C9: variants seen among roughly 807,000 people sequenced by gnomAD.
C9 encodes the protein complement C9, also known as complement component C9.
A neutral mutation model predicts 65.4 loss-of-function variants in C9; 63 were observed. The ratio of observed to expected loss-of-function variants is 0.96; its 90% CI spans 0.79 to 1.19. The LOEUF is 1.19. C9 is among the 50% of genes most tolerant of loss of function. C9 has a pLI of 0.00. For synonymous variants in C9, 229 were observed against 227.9 expected (o/e 1.00, Z -0.04); for missense variants, 744 against 670.1 (o/e 1.11, Z -1.22).
At chr5:39,358,280 T>G (rs546239398) in intron 1 of C9, among the ~76,000 whole-genome samples, 111 of 152,278 alleles carry the variant, frequency 7.3e-4, no homozygotes, top group African/African-American at 2.6e-3. Context: ...CTCAATGAAT[T>G]TAGAGAGGAA....
At chr5:39,331,982 T>A (rs1235355228) in intron 4 of C9, among the ~76,000 whole-genome samples, 168 bp from the exon 5 acceptor site, 2 of 152,212 alleles carry the variant, frequency 1.3e-5, no homozygotes, top group Non-Finnish European at 2.9e-5. Flanking sequence ...TGGCTCAGTG[T>A]CTCTGGCAGA....
At chr5:39,346,722 A>C (rs1754204311) in intron 1 of C9, among the ~76,000 whole-genome samples, 1 of 152,184 alleles carries the variant, frequency 6.6e-6, no homozygotes, top group Non-Finnish European at 1.5e-5. Flanking sequence ...CAACAAAAAA[A>C]GAGAATTTTA....
rs552350601 is a variant in C9, at chr5:39,308,321, A to T, written c.1149T>A (p.Tyr383Ter). The change falls in exon 8 of 11, where the codon TAT becomes TAA. Residue 383 changes from tyrosine to a stop codon, truncating the protein, a stop_gained. Transcript: ENST00000263408. LOFTEE classifies it high-confidence loss of function. ...AGAAAGCCAGAGATACATCCAGATG[A>T]TACCCAAGGCATCTCTTTATGTCTT... The part of the protein sequence containing the change: ...ELKDIKRCLG[Y>*]HLDVSLAFSE... 15 of 1,602,132 alleles carry T rather than the reference A, an allele frequency of 9.4e-6. No homozygotes were observed. The highest frequency in any genetic ancestry group is 1.7e-4 in the Middle Eastern group (1 of 6,034).
intron 1 of C9, among the ~76,000 whole-genome samples, chr5:39,363,136 G>A (rs1027724280): frequency 2.0e-5 from 3 of 152,154 alleles, no homozygotes; most frequent in African/African-American, 7.2e-5. Flanking sequence ...GAAGTTCAAG[G>A]GAGCTAAAGC....
At chr5:39,360,379 A>C (rs1400184257) in intron 1 of C9, among the ~76,000 whole-genome samples, 1 of 151,960 alleles carries the variant, frequency 6.6e-6, no homozygotes, top group Non-Finnish European at 1.5e-5. Context: ...AACCCGGACA[A>C]CTTCTCTCCA....
At chr5:39,349,836 CTT>C (rs1376280008) in intron 1 of C9, among the ~76,000 whole-genome samples, 2 of 152,182 alleles carry the variant, frequency 1.3e-5, no homozygotes, top group African/African-American at 4.8e-5. Flanking sequence ...TACTCCTACT[CTT>C]TTATGCAGGC....
At chr5:39,293,496 A>G (rs1417044411) in intron 9 of C9, among the ~76,000 whole-genome samples, 1 of 152,032 alleles carries the variant, frequency 6.6e-6, no homozygotes, top group Non-Finnish European at 1.5e-5. Flanking sequence ...TAAAGGGATC[A>G]ATTCAGCAAG....
chr5:39,341,494 T>G (rs1169259619), intron 3 of C9, 62 bp downstream of exon 3: 1 of 1,585,464 alleles, frequency 6.3e-7, no homozygotes, highest in African/African-American at 1.3e-5. Context: ...TGCTTTTTTT[T>G]TTCTTTTCAT....
intron 5 of C9, among the ~76,000 whole-genome samples, chr5:39,330,758 G>C (rs2111927366): frequency 6.6e-6 from 1 of 152,148 alleles, no homozygotes; most frequent in South Asian, 2.1e-4. Flanking sequence ...ATGACTACAT[G>C]TGAAAAAAAA....
intron 5 of C9, among the ~76,000 whole-genome samples, chr5:39,319,601 G>A (rs914430332): frequency 3.3e-5 from 5 of 152,272 alleles, no homozygotes; most frequent in African/African-American, 1.2e-4. Flanking sequence ...CTCAAAGGCT[G>A]GTCACTACAG....
chr5:39,291,016 A>C (rs1166931119), intron 9 of C9, among the ~76,000 whole-genome samples: 1 of 151,942 alleles, frequency 6.6e-6, no homozygotes, highest in Non-Finnish European at 1.5e-5. Context: ...GGCTACTCCT[A>C]TAATAATTTT....
chr5:39,349,990 T>C (rs561598430), intron 1 of C9, among the ~76,000 whole-genome samples: 1 of 152,280 alleles, frequency 6.6e-6, no homozygotes, highest in Admixed American at 6.5e-5. Flanking sequence ...TGTATTAATC[T>C]GTTCTCACAT....
At position 39,306,587 on chromosome 5, in the gene C9, C is replaced by A; in HGVS notation, c.1416+30G>T. The A allele has an allele frequency of 2.6e-6, 4 of 1,554,518 alleles. No homozygotes were observed. In the South Asian group the frequency reaches 3.3e-5, roughly 13 times the overall value. On this transcript the variant is annotated intron_variant, in intron 9 of 10. Transcript: ENST00000263408. The stretch of plus-strand genomic sequence containing the variant: ...ACATTTAATAAAAAAATGACACAGT[C>A]TTCTGTTTGAAAATAAACACGTTTC...
At chr5:39,291,672 A>C (rs1271848834) in intron 9 of C9, among the ~76,000 whole-genome samples, 2 of 151,930 alleles carry the variant, frequency 1.3e-5, no homozygotes, top group African/African-American at 4.8e-5. Context: ...TCTTAAAAAC[A>C]GTTTAGTAAA....
chr5:39,339,602 C>G (rs372060581), intron 4 of C9, among the ~76,000 whole-genome samples: 10 of 151,944 alleles, frequency 6.6e-5, no homozygotes, highest in African/African-American at 1.9e-4. Context: ...ATTCTCACCC[C>G]CTCCAAGATG....
intron 4 of C9, among the ~76,000 whole-genome samples, chr5:39,333,726 C>CGAG (rs1753892250): frequency 6.6e-6 from 1 of 152,026 alleles, no homozygotes; most frequent in Non-Finnish European, 1.5e-5. Flanking sequence ...ATTCTCCTGC[C>CGAG]TCAGCCTGCC....
chr5:39,327,459 A>T (rs1191019310), intron 5 of C9, among the ~76,000 whole-genome samples: 2 of 152,160 alleles, frequency 1.3e-5, no homozygotes, highest in Non-Finnish European at 2.9e-5. Flanking sequence ...TTGAAGATTG[A>T]TTGGATATTG....
intron 5 of C9, among the ~76,000 whole-genome samples, chr5:39,324,090 T>G (rs532588045): frequency 6.6e-6 from 1 of 152,036 alleles, no homozygotes; most frequent in Non-Finnish European, 1.5e-5. Context: ...ATAAAACACT[T>G]AGGAATAAAT....
At chr5:39,339,540 A>G (rs192087171) in intron 4 of C9, among the ~76,000 whole-genome samples, 160 of 151,484 alleles carry the variant, frequency 1.1e-3, no homozygotes, top group Middle Eastern at 3.4e-3. Context: ...AGGCTGTCCT[A>G]TGCTTAGCAT....
Sources: gnomAD v4.1 joint callset for allele counts (sites outside exome capture counted in the v4.1 genomes callset) on GRCh38, gnomAD v4.1.1 for gene constraint, MANE v1.5 for transcripts, NCBI Gene and HGNC (gene_info 2026-07-23, HGNC 2026-07-21) for gene names.